The following RIT2 variants were observed in gnomAD, a reference collection of about 807,000 sequenced individuals.
RIT2 encodes Ras like without CAAX 2.
Under a neutral mutation model 23.7 loss-of-function variants are expected in RIT2, and 24 were observed. The observed-to-expected ratio is 1.01, with a 90% CI of 0.73 to 1.43. The LOEUF (loss-of-function observed/expected upper bound fraction) is 1.43. Ranked by LOEUF, RIT2 falls within the 40% of genes most tolerant of loss-of-function variation. The pLI is 0.00. For synonymous variants in RIT2, 107 were observed against 91.1 expected (o/e 1.17, Z -0.99); for missense variants, 236 against 266.9 (o/e 0.88, Z 0.81).
intron 4 of RIT2, among the ~76,000 whole-genome samples, chr18:42,893,539 C>T (rs553758891): frequency 2.6e-5 from 4 of 152,136 alleles, no homozygotes; most frequent in Non-Finnish European, 5.9e-5. Flanking sequence ...AGGGCCTCAG[C>T]TCTTCATACT....
At chr18:42,945,464 C>T (rs913002619) in intron 3 of RIT2, among the ~76,000 whole-genome samples, 1 of 152,188 alleles carries the variant, frequency 6.6e-6, no homozygotes, top group African/African-American at 2.4e-5. Context: ...GGCAAAGATC[C>T]ATTCCGTTAG....
intron 3 of RIT2, among the ~76,000 whole-genome samples, chr18:42,968,368 A>G (rs2144196515): frequency 6.6e-6 from 1 of 152,314 alleles, no homozygotes; most frequent in East Asian, 1.9e-4. Flanking sequence ...ACCAACTAGG[A>G]ATGTCCTGGG....
intron 2 of RIT2, among the ~76,000 whole-genome samples, chr18:43,009,712 G>A (rs1246865495): frequency 1.3e-5 from 2 of 151,650 alleles, no homozygotes; most frequent in East Asian, 3.9e-4. Flanking sequence ...TCTAAAACAT[G>A]TTCCACCCAC....
chr18:42,827,591 A>G (rs1330609662), intron 4 of RIT2, among the ~76,000 whole-genome samples: 1 of 152,216 alleles, frequency 6.6e-6, no homozygotes, highest in Non-Finnish European at 1.5e-5. Context: ...ACTCACACAC[A>G]AATCAGTAAG....
At chr18:42,821,814 A>C (rs1906160531) in intron 4 of RIT2, among the ~76,000 whole-genome samples, 1 of 152,186 alleles carries the variant, frequency 6.6e-6, no homozygotes, top group Admixed American at 6.5e-5. Context: ...GTGATACAAA[A>C]GCATATAAAA....
chr18:43,084,467 A>C (rs188585302), intron 1 of RIT2, among the ~76,000 whole-genome samples: 1 of 152,194 alleles, frequency 6.6e-6, no homozygotes, highest in Admixed American at 6.5e-5. Context: ...TTACAGTAGC[A>C]ATGACTTGGA....
intron 4 of RIT2, among the ~76,000 whole-genome samples, chr18:42,780,047 GTTTTTTTT>G (rs71175923): frequency 0.014 from 832 of 59,488 alleles, 3 homozygotes; most frequent in African/African-American, 0.04. Flanking sequence ...CAATTTAGAG[GTTTTTTTT>G]TTTTTTTTTT....
At chr18:43,010,690 T>G (rs759978681) in intron 2 of RIT2, among the ~76,000 whole-genome samples, 27 of 151,820 alleles carry the variant, frequency 1.8e-4, no homozygotes, top group Admixed American at 4.6e-4. Flanking sequence ...ATTATTTATT[T>G]AATTGAAAAA....
chr18:42,966,903 C>G (rs1423919257), intron 3 of RIT2, among the ~76,000 whole-genome samples: 1 of 151,974 alleles, frequency 6.6e-6, no homozygotes, highest in African/African-American at 2.4e-5. Flanking sequence ...CTTCATGATA[C>G]AACTGTACCG....
intron 2 of RIT2, among the ~76,000 whole-genome samples, chr18:43,032,278 T>G (rs754187643): frequency 1.3e-5 from 2 of 152,038 alleles, no homozygotes; most frequent in African/African-American, 2.4e-5. Context: ...GAAGGAGTCA[T>G]TTATGATTTA....
At chr18:42,825,821 T>C (rs1906279469) in intron 4 of RIT2, among the ~76,000 whole-genome samples, 1 of 151,980 alleles carries the variant, frequency 6.6e-6, no homozygotes, top group Non-Finnish European at 1.5e-5. Context: ...AGAATACCCT[T>C]TGAGCTTAAG....
At chr18:42,996,305 A>G (rs893681530) in intron 2 of RIT2, among the ~76,000 whole-genome samples, 3 of 151,958 alleles carry the variant, frequency 2.0e-5, no homozygotes, top group Non-Finnish European at 4.4e-5. Flanking sequence ...AACATCGCCC[A>G]TTATCTCTCC....
chr18:42,923,290 A>G, intron 4 of RIT2: 1 of 281,358 alleles, frequency 3.6e-6, no homozygotes, highest in Non-Finnish European at 6.6e-6. Context: ...TTAAGGCTAC[A>G]CTTCAGAAGT....
intron 1 of RIT2, among the ~76,000 whole-genome samples, chr18:43,045,482 C>T (rs1362549816): frequency 6.6e-6 from 1 of 152,022 alleles, no homozygotes; most frequent in Non-Finnish European, 1.5e-5. Context: ...CAACGTATAC[C>T]CGGGGCTGAA....
intron 3 of RIT2, among the ~76,000 whole-genome samples, chr18:42,953,560 G>A (rs1195677884): frequency 6.6e-6 from 1 of 152,126 alleles, no homozygotes; most frequent in East Asian, 1.9e-4. Flanking sequence ...ATTAGGGGCA[G>A]GGATGCTTAC....
At chr18:42,879,093 C>T (rs901586155) in intron 4 of RIT2, among the ~76,000 whole-genome samples, 1 of 152,060 alleles carries the variant, frequency 6.6e-6, no homozygotes, top group Non-Finnish European at 1.5e-5. Flanking sequence ...TTTACCAAGT[C>T]GATCTTTTTA....
intron 4 of RIT2, among the ~76,000 whole-genome samples, chr18:42,830,762 T>G (rs776657139): frequency 6.6e-5 from 10 of 152,194 alleles, no homozygotes; most frequent in African/African-American, 2.4e-4. Flanking sequence ...TAAGGCAAGA[T>G]AGGGAACAAG....
At chr18:42,979,720 A>AATATGTATTTGAGT (rs1311902330) in intron 2 of RIT2, among the ~76,000 whole-genome samples, 10 of 152,262 alleles carry the variant, frequency 6.6e-5, no homozygotes, top group Admixed American at 4.6e-4. Context: ...CAATATATTG[A>AATATGTATTTGAGT]TCAATAAAGG....
At chr18:42,837,102 A>G (rs892874512) in intron 4 of RIT2, among the ~76,000 whole-genome samples, 1 of 150,250 alleles carries the variant, frequency 6.7e-6, no homozygotes, top group Non-Finnish European at 1.5e-5. Flanking sequence ...TATGCCCTTG[A>G]ATATCATAGT....
Sources: allele counts gnomAD v4.1 joint callset (sites outside exome capture counted in the v4.1 genomes callset), GRCh38; gene constraint gnomAD v4.1.1; transcripts MANE v1.5; gene names NCBI Gene and HGNC (gene_info 2026-07-23, HGNC 2026-07-21).